Variants in PPP2R2C observed in about 807,000 individuals in gnomAD.
PPP2R2C encodes the protein protein phosphatase 2 regulatory subunit Bgamma.
In PPP2R2C, 10 loss-of-function variants were observed where a neutral mutation model predicts 45.3. That is an observed-to-expected ratio of 0.22 (90% CI 0.14 to 0.37). The LOEUF (loss-of-function observed/expected upper bound fraction) is 0.37, where lower values mean the gene tolerates loss of function less well. Among genes scored for constraint, PPP2R2C ranks in the 10% least tolerant of loss-of-function variants. PPP2R2C has a pLI of 1.00. For missense variants in PPP2R2C, 308 were observed against 619.7 expected (o/e 0.50, Z 5.34); for synonymous variants, 257 against 245.4 (o/e 1.05, Z -0.44).
chr4:6,440,240 G>A (rs6829169), intron 1 of PPP2R2C, among the ~76,000 whole-genome samples: 76,451 of 152,138 alleles, frequency 0.5, 21,099 homozygotes, highest in Non-Finnish European at 0.65. Flanking sequence ...TGTTGGATGC[G>A]TGCGCAGATG....
intron 1 of PPP2R2C, among the ~76,000 whole-genome samples, chr4:6,451,158 T>C (rs1408716966): frequency 2.6e-5 from 4 of 152,178 alleles, no homozygotes; most frequent in African/African-American, 9.7e-5. Flanking sequence ...GTCCATCTCA[T>C]CTGCTCTGCG....
intron 1 of PPP2R2C, among the ~76,000 whole-genome samples, chr4:6,429,326 G>A (rs62284500): frequency 0.037 from 5,565 of 152,272 alleles, 123 homozygotes; most frequent in Non-Finnish European, 0.055. Flanking sequence ...AAAAGTAAAT[G>A]TACGGTTCTA....
At chr4:6,327,846 G>A (rs925273366) in intron 8 of PPP2R2C, among the ~76,000 whole-genome samples, 1 of 152,148 alleles carries the variant, frequency 6.6e-6, no homozygotes, top group Non-Finnish European at 1.5e-5. Flanking sequence ...CCTGCGGGCT[G>A]GGGGAGCTCC....
chr4:6,333,858 C>T (rs770382303), intron 6 of PPP2R2C, 127 bp from the exon 7 acceptor site: 11 of 1,026,198 alleles, frequency 1.1e-5, no homozygotes, highest in African/African-American at 1.6e-5. Flanking sequence ...ATTCCTCAAA[C>T]CTAGAACTAA....
chr4:6,410,233 G>GTGGCTCGAGTCTGCTGGAGTAC (rs1378143530), intron 1 of PPP2R2C, among the ~76,000 whole-genome samples: 1 of 152,052 alleles, frequency 6.6e-6, no homozygotes, highest in East Asian at 1.9e-4. Flanking sequence ...TGCTGGAGTA[G>GTGGCTCGAGTCTGCTGGAGTAC]TGGGAGCAGG....
chr4:6,445,165 G>T lies in PPP2R2C; in HGVS notation c.70+26995C>A, dbSNP rs149467169. On this transcript the variant is annotated intron_variant, in intron 1 of 8. Coordinates refer to ENST00000382599, the MANE Select transcript of PPP2R2C (RefSeq NM_020416.4). ...GATCACATCACTGCACTCCAGCCTA[G>T]GTGACAGAGTGAGACCCTGTCTCAA... Among the ~76,000 whole-genome samples the T allele has an allele frequency of 9.3e-4, 141 of 152,144 alleles. No individual in the cohort carries two copies. The East Asian group carries it at 0.025, about 27-fold the overall frequency.
At chr4:6,544,236 G>A (rs756416211) in intron 1 of PPP2R2C, among the ~76,000 whole-genome samples, 3 of 152,160 alleles carry the variant, frequency 2.0e-5, no homozygotes, top group Non-Finnish European at 4.4e-5. Context: ...TGCCTTTTAC[G>A]GTGAAAATGT....
intron 2 of PPP2R2C, among the ~76,000 whole-genome samples, chr4:6,499,926 C>G (rs1722994455): frequency 6.6e-6 from 1 of 152,112 alleles, no homozygotes; most frequent in Non-Finnish European, 1.5e-5. Context: ...GCTTCCTTCC[C>G]CTTTCTTCTT....
chr4:6,511,883 T>A (rs1440508667), intron 2 of PPP2R2C, among the ~76,000 whole-genome samples: 9 of 119,814 alleles, frequency 7.5e-5, no homozygotes, highest in Non-Finnish European at 5.4e-5. Context: ...GTGGTGGTGG[T>A]GGTGGTGGTG....
chr4:6,394,049 C>G (rs574569137), intron 1 of PPP2R2C, among the ~76,000 whole-genome samples: 1 of 152,306 alleles, frequency 6.6e-6, no homozygotes, highest in Non-Finnish European at 1.5e-5. Context: ...ACACAGGCTC[C>G]GGAAAGCCCC....
At chr4:6,348,724 C>T in intron 5 of PPP2R2C, 1 of 984,794 alleles carries the variant, frequency 1.0e-6, no homozygotes, top group African/African-American at 1.7e-5. Context: ...TATCTGCTGC[C>T]AGGACAAGGA....
intron 1 of PPP2R2C, among the ~76,000 whole-genome samples, chr4:6,425,936 C>T (rs772827709): frequency 2.6e-5 from 4 of 151,756 alleles, no homozygotes; most frequent in Admixed American, 6.6e-5. Flanking sequence ...ATGTGTGTTG[C>T]GGGGAGAGGC....
chr4:6,472,162 T>A lies in PPP2R2C; in HGVS notation c.68A>T (p.Glu23Val), dbSNP rs1721935327. The change falls in exon 1 of 9, where the codon GAA (glutamate) becomes GTA (valine). Residue 23 changes from glutamate to valine, a missense_variant and splice_region_variant. Glu to Val is a moderately radical substitution (Grantham distance 121). Transcript: ENST00000382599. ...GTCTCAGACAACACGTACGTTACCT[T>A]CAGTCACATAGCTGTGGTCCCGCAG... ...SFLRDHSYVTEADIISTVEFN... is the reference protein window; with the variant it reads ...SFLRDHSYVTVADIISTVEFN... 1 of 1,613,348 alleles carries A rather than the reference T, an allele frequency of 6.2e-7. No homozygotes were observed. Among genetic ancestry groups the A allele is most frequent in the East Asian group, 2.2e-5 (1 of 44,828 alleles).
rs1328027188 is a variant in PPP2R2C at position 6,332,767 on chromosome 4, A to T, written c.960+795T>A. ...AGGTGACAGATGTCAAGCACGTGGC[A>T]CCCCATGTGTGAGGAGTGACACGGT... On this transcript the variant is annotated intron_variant, in intron 7 of 8. Transcript: ENST00000382599. This position sits in a 1 kb window ranked among gnomAD's most constrained non-coding sequence, Gnocchi z 4.9. Among the ~76,000 whole-genome samples, 4 of 151,966 alleles carry T rather than the reference A, an allele frequency of 2.6e-5. No homozygotes were observed. Among genetic ancestry groups the T allele is most frequent in the African/African-American group, 9.7e-5 (4 of 41,328 alleles).
At chr4:6,385,164 C>T (rs1008297849) in intron 1 of PPP2R2C, among the ~76,000 whole-genome samples, 9 of 152,240 alleles carry the variant, frequency 5.9e-5, no homozygotes, top group Admixed American at 1.3e-4. Flanking sequence ...TGGATCTGGG[C>T]GCCCAACCTC....
At chr4:6,517,403 C>T (rs1238196388) in intron 2 of PPP2R2C, among the ~76,000 whole-genome samples, 5 of 152,236 alleles carry the variant, frequency 3.3e-5, no homozygotes, top group African/African-American at 1.2e-4. Context: ...CTGAGCCTCA[C>T]TCTCTTCTCT....
intron 1 of PPP2R2C, chr4:6,382,933 CAG>C (rs1435614965): frequency 4.0e-5 from 44 of 1,089,518 alleles, no homozygotes; most frequent in South Asian, 1.3e-4. Context: ...GAGAAAAGCA[CAG>C]AGTGTTCTAA....
At chr4:6,520,162 G>C (rs546470206) in intron 2 of PPP2R2C, among the ~76,000 whole-genome samples, 1 of 152,034 alleles carries the variant, frequency 6.6e-6, no homozygotes, top group South Asian at 2.1e-4. Flanking sequence ...GGGTACGCTG[G>C]GGAGTTGAGA....
intron 2 of PPP2R2C, among the ~76,000 whole-genome samples, chr4:6,497,866 C>T (rs759031102): frequency 6.6e-6 from 1 of 152,180 alleles, no homozygotes; most frequent in African/African-American, 2.4e-5. Flanking sequence ...TGAGAAGTGC[C>T]TTAAAACATA....
Sources: allele counts gnomAD v4.1 joint callset (sites outside exome capture counted in the v4.1 genomes callset), GRCh38; gene constraint gnomAD v4.1.1; non-coding constraint Gnocchi (gnomAD v3.1); transcripts MANE v1.5; gene names NCBI Gene and HGNC (gene_info 2026-07-23, HGNC 2026-07-21).